The following KIAA0825 variants were observed in gnomAD, a reference collection of about 807,000 sequenced individuals.
The protein encoded by KIAA0825 is KIAA0825.
Under a neutral mutation model 147.6 loss-of-function variants are expected in KIAA0825, and 119 were observed. That is an observed-to-expected ratio of 0.81 (90% CI 0.69 to 0.94). KIAA0825 has a LOEUF of 0.94. KIAA0825 is among the 40% of genes least tolerant of loss of function. KIAA0825 has a pLI of 0.00. For synonymous variants in KIAA0825, 470 were observed against 518.1 expected (o/e 0.91, Z 1.26); for missense variants, 1,381 against 1,472.7 (o/e 0.94, Z 1.02).
chr5:94,254,514 T>G (rs980033225), intron 20 of KIAA0825, among the ~76,000 whole-genome samples: 9 of 152,206 alleles, frequency 5.9e-5, no homozygotes, highest in Admixed American at 5.9e-4. Flanking sequence ...ATCAGCATCA[T>G]TTTTTGTGAC....
chr5:94,416,422 G>A (rs1325098602), intron 15 of KIAA0825: 3 of 151,968 alleles, frequency 2.0e-5, no homozygotes, highest in African/African-American at 7.3e-5. Flanking sequence ...TTCCAAAGCA[G>A]GATAAAAGAA....
chr5:94,318,019 T>C (rs1447834942), intron 20 of KIAA0825, among the ~76,000 whole-genome samples: 1 of 151,440 alleles, frequency 6.6e-6, no homozygotes, highest in Non-Finnish European at 1.5e-5. Flanking sequence ...CCAATTCTTA[T>C]ATACCATTTT....
chr5:94,579,413 G>C (rs570401536), intron 2 of KIAA0825, among the ~76,000 whole-genome samples: 1 of 152,316 alleles, frequency 6.6e-6, no homozygotes, highest in African/African-American at 2.4e-5. Flanking sequence ...TTATCTCTTA[G>C]TGTTATTGAA....
intron 5 of KIAA0825, among the ~76,000 whole-genome samples, chr5:94,485,963 G>C (rs1020507645): frequency 2.0e-4 from 30 of 151,794 alleles, no homozygotes; most frequent in Middle Eastern, 6.8e-3. Context: ...GCCCTCTTAT[G>C]ATTACGCTAC....
chr5:94,450,155 T>A (rs890986220), intron 13 of KIAA0825, among the ~76,000 whole-genome samples: 3 of 151,732 alleles, frequency 2.0e-5, no homozygotes, highest in Non-Finnish European at 2.9e-5. Flanking sequence ...GACAACTATG[T>A]AGATGAAAAT....
chr5:94,373,533 T>C lies in KIAA0825; in HGVS notation c.3710+10835A>G, dbSNP rs369085861. Among the ~76,000 whole-genome samples, 13 of 152,228 alleles carry C rather than the reference T, an allele frequency of 8.5e-5. 1 individual carries two copies. In the East Asian group the frequency reaches 2.5e-3, roughly 29 times the overall value. On this transcript the variant is annotated intron_variant, in intron 20 of 20. Coordinates refer to ENST00000682413, the MANE Select transcript of KIAA0825 (RefSeq NM_001145678.3). ...GTGGAAGGGGAAGCAAACACGTCCT[T>C]CTTTACATGGCGGCAGGTGAGAGAA...
In KIAA0825 at chr5:94,492,414, C is replaced by T. The variant is rs140896245; in HGVS notation, c.971-7484G>A. Among the ~76,000 whole-genome samples, 9 of 152,322 alleles carry T rather than the reference C, an allele frequency of 5.9e-5. No individual in the cohort carries two copies. The East Asian group carries it at 1.7e-3, about 29-fold the overall frequency. ...CCTCTGAGAAACCTGCCCTCAGACCCCAAGCCAGGTCAGGGTTTTGTTCTC... is the reference window on the plus strand; with the variant it reads ...CCTCTGAGAAACCTGCCCTCAGACCTCAAGCCAGGTCAGGGTTTTGTTCTC... On this transcript the variant is annotated intron_variant, in intron 5 of 20. Transcript: ENST00000682413.
chr5:94,423,397 T>G (rs1241517918), intron 14 of KIAA0825, among the ~76,000 whole-genome samples: 1 of 152,210 alleles, frequency 6.6e-6, no homozygotes, highest in Non-Finnish European at 1.5e-5. Flanking sequence ...TTTCGTTGCA[T>G]GCATTATTTT....
chr5:94,157,713 G>T (rs1767167019), intron 20 of KIAA0825, among the ~76,000 whole-genome samples: 1 of 152,092 alleles, frequency 6.6e-6, no homozygotes, highest in Admixed American at 6.6e-5. Context: ...GAGACCTTGA[G>T]GTGTGAAAAA....
chr5:94,381,629 A>T (rs145196180), intron 20 of KIAA0825, among the ~76,000 whole-genome samples: 31 of 152,352 alleles, frequency 2.0e-4, no homozygotes, highest in African/African-American at 7.5e-4. Context: ...ATAGATACTG[A>T]GGGATGACTG....
At chr5:94,163,508 G>A (rs999944848) in intron 20 of KIAA0825, among the ~76,000 whole-genome samples, 1 of 152,024 alleles carries the variant, frequency 6.6e-6, no homozygotes, top group Non-Finnish European at 1.5e-5. Context: ...GCTCCTCAAA[G>A]GCATAGAGTA....
intron 20 of KIAA0825, among the ~76,000 whole-genome samples, chr5:94,267,719 C>T (rs987586275): frequency 2.0e-5 from 3 of 152,180 alleles, no homozygotes; most frequent in African/African-American, 7.2e-5. Flanking sequence ...TTACCTCCCT[C>T]CTCCCCAGGC....
chr5:94,222,193 CTAA>C (rs1335406243), intron 20 of KIAA0825, among the ~76,000 whole-genome samples: 5 of 152,144 alleles, frequency 3.3e-5, no homozygotes, highest in African/African-American at 1.2e-4. Flanking sequence ...ACTGTTTTAT[CTAA>C]TCAGATAAAA....
intron 20 of KIAA0825, among the ~76,000 whole-genome samples, chr5:94,193,668 C>T (rs1770875694): frequency 6.6e-6 from 1 of 152,138 alleles, no homozygotes; most frequent in African/African-American, 2.4e-5. Context: ...CTCACAACAA[C>T]CCTATGAAAT....
At chr5:94,295,983 T>G (rs981489609) in intron 20 of KIAA0825, among the ~76,000 whole-genome samples, 1 of 152,202 alleles carries the variant, frequency 6.6e-6, no homozygotes, top group Non-Finnish European at 1.5e-5. Context: ...TCTTTAGGGC[T>G]GGCAGGCAAG....
chr5:94,563,585 AC>A (rs1317581229), intron 2 of KIAA0825, among the ~76,000 whole-genome samples: 1 of 152,250 alleles, frequency 6.6e-6, no homozygotes, highest in African/African-American at 2.4e-5. Flanking sequence ...ACAGTGTAAA[AC>A]TATAACAATG....
intron 20 of KIAA0825, among the ~76,000 whole-genome samples, chr5:94,216,559 G>A (rs998255430): frequency 9.9e-5 from 15 of 152,114 alleles, no homozygotes; most frequent in African/African-American, 3.6e-4. Flanking sequence ...CTAGTCCTGG[G>A]GGACCCAGGG....
chr5:94,607,634 CA>C (rs1011191823), intron 1 of KIAA0825, among the ~76,000 whole-genome samples: 9 of 151,928 alleles, frequency 5.9e-5, no homozygotes, highest in Non-Finnish European at 1.0e-4. Context: ...AACAAACAAA[CA>C]AAAAACAAGA....
At chr5:94,296,203 T>G (rs1778126908) in intron 20 of KIAA0825, among the ~76,000 whole-genome samples, 1 of 152,118 alleles carries the variant, frequency 6.6e-6, no homozygotes, top group Non-Finnish European at 1.5e-5. Context: ...TTGTTTACAC[T>G]GTGAGGGGAA....
Sources: gnomAD v4.1 joint callset for allele counts (sites outside exome capture counted in the v4.1 genomes callset) on GRCh38, gnomAD v4.1.1 for gene constraint, MANE v1.5 for transcripts, NCBI Gene and HGNC (gene_info 2026-07-23, HGNC 2026-07-21) for gene names.